Variants in NUBPL observed in about 807,000 individuals in gnomAD.
NUBPL encodes iron-sulfur cluster transfer protein NUBPL.
NUBPL carries 31 observed loss-of-function variants against 45.7 expected under a neutral mutation model. The ratio of observed to expected loss-of-function variants is 0.68; its 90% confidence interval spans 0.51 to 0.92. The LOEUF is 0.92. NUBPL is among the 40% of genes least tolerant of loss of function. NUBPL has a pLI of 0.00. For missense variants in NUBPL, 401 were observed against 398.7 expected (o/e 1.01, Z -0.05); for synonymous variants, 144 against 140.9 (o/e 1.02, Z -0.15).
At chr14:31,601,249 T>C (rs977849748) in intron 4 of NUBPL, among the ~76,000 whole-genome samples, 17 of 152,182 alleles carry the variant, frequency 1.1e-4, no homozygotes, top group African/African-American at 4.1e-4. Context: ...TCTTTTTTGG[T>C]TCCATATGAA....
At chr14:31,722,146 G>A (rs967661180) in intron 6 of NUBPL, among the ~76,000 whole-genome samples, 4 of 152,152 alleles carry the variant, frequency 2.6e-5, no homozygotes, top group Admixed American at 2.0e-4. Context: ...ACAGGTGCCT[G>A]CCACCATGCC....
intron 8 of NUBPL, among the ~76,000 whole-genome samples, chr14:31,836,921 G>A (rs1413524921): frequency 1.3e-5 from 2 of 152,160 alleles, no homozygotes; most frequent in Non-Finnish European, 2.9e-5. Context: ...TGTTGTATGA[G>A]CTCTGCACAG....
At chr14:31,724,397 A>G (rs1192504200) in intron 6 of NUBPL, among the ~76,000 whole-genome samples, 1 of 152,184 alleles carries the variant, frequency 6.6e-6, no homozygotes, top group African/African-American at 2.4e-5. Context: ...TTTTGAAGGC[A>G]TTTTATTGAT....
intron 6 of NUBPL, among the ~76,000 whole-genome samples, chr14:31,756,427 G>T (rs1284199497): frequency 6.6e-6 from 1 of 152,088 alleles, no homozygotes; most frequent in African/African-American, 2.4e-5. Flanking sequence ...TCCCTTGTAA[G>T]TTGGATTCCT....
chr14:31,734,755 A>ATG lies in NUBPL; in HGVS notation c.514-53024_514-53023insGT, dbSNP rs1555332916. Among the ~76,000 whole-genome samples the ATG allele has an allele frequency of 6.7e-3, 1,009 of 151,662 alleles. 10 individuals are homozygous for ATG. Among genetic ancestry groups the ATG allele is most frequent in the African/African-American group, 0.022 (927 of 41,306 alleles). Reference sequence around the variant, plus strand: ...TAGTATTTATAATCAAAGACATGAAATAGTAGCAAGAATACTATATACCTC... The same window carrying ATG: ...TAGTATTTATAATCAAAGACATGAAATGTAGTAGCAAGAATACTATATACCTC... On this transcript the variant is annotated intron_variant, in intron 6 of 10. Transcript: ENST00000281081.
chr14:31,564,081 C>T (rs921937017), intron 2 of NUBPL, among the ~76,000 whole-genome samples: 3 of 152,118 alleles, frequency 2.0e-5, no homozygotes, highest in Admixed American at 1.3e-4. Context: ...AAGAAAATAA[C>T]CCTGACATAG....
chr14:31,578,742 TA>T (rs1217315489), intron 3 of NUBPL, among the ~76,000 whole-genome samples: 1 of 152,208 alleles, frequency 6.6e-6, no homozygotes, highest in African/African-American at 2.4e-5. Flanking sequence ...CAAAAGGACA[TA>T]AGTCTCCTTT....
Position 31,673,374 on chromosome 14 carries a change from C to A in NUBPL, c.402C>A (p.Leu134=). Reference sequence around the variant, plus strand: ...TTCCAGGCAACCTAATGAGGCCTCTCTTGAATTATGGTATTGCTTGGTGAG... The same window carrying A: ...TTCCAGGCAACCTAATGAGGCCTCTATTGAATTATGGTATTGCTTGGTGAG... ...ELSQSNLMRP[L]LNYGIACMSM... Residue 134 remains leucine (L), a synonymous_variant, in exon 5 of 11, where the codon CTC becomes CTA. Transcript: ENST00000281081. 6.2e-7 allele frequency: 1 copy of A among 1,605,096 alleles called. No homozygotes were observed. The highest frequency in any genetic ancestry group is 1.1e-5 in the South Asian group (1 of 90,340).
chr14:31,655,665 A>G (rs1235545028), intron 4 of NUBPL, among the ~76,000 whole-genome samples: 1 of 152,180 alleles, frequency 6.6e-6, no homozygotes, highest in African/African-American at 2.4e-5. Flanking sequence ...GTGAGCCGAG[A>G]TGGTACCACT....
chr14:31,676,376 C>G (rs1038995814), intron 6 of NUBPL, among the ~76,000 whole-genome samples: 2 of 151,974 alleles, frequency 1.3e-5, no homozygotes, highest in African/African-American at 4.8e-5. Flanking sequence ...TTTTGAAATT[C>G]ATGTTTATTG....
At chr14:31,804,204 A>C (rs1354470072) in intron 7 of NUBPL, among the ~76,000 whole-genome samples, 1 of 152,206 alleles carries the variant, frequency 6.6e-6, no homozygotes, top group Admixed American at 6.5e-5. Flanking sequence ...CAAATTAGTG[A>C]AAATTCATAC....
intron 6 of NUBPL, among the ~76,000 whole-genome samples, chr14:31,706,382 G>A (rs2037452864): frequency 6.6e-6 from 1 of 152,190 alleles, no homozygotes; most frequent in African/African-American, 2.4e-5. Context: ...AGTTGAGCTT[G>A]ATGGCCTCAA....
intron 7 of NUBPL, among the ~76,000 whole-genome samples, chr14:31,825,860 ATT>A (rs531767742): frequency 1.1e-5 from 1 of 94,932 alleles, no homozygotes. Flanking sequence ...TTTTTCTTCC[ATT>A]TTTTTTTTTG....
At position 31,727,635 on chromosome 14, in the gene NUBPL, T is replaced by C. The variant is rs548202690; in HGVS notation, c.513+54061T>C. Among the ~76,000 whole-genome samples, 6 of 152,356 alleles carry C rather than the reference T, an allele frequency of 3.9e-5. No individual in the cohort carries two copies. In the South Asian group the frequency reaches 1.2e-3, roughly 32 times the overall value. ...ATGGATATGGTTTCATAAGCAGTTA[T>C]GGTATATGCTAGGCACATTAGAAAT... On this transcript the variant is annotated intron_variant, in intron 6 of 10. Coordinates refer to ENST00000281081, the MANE Select transcript of NUBPL (RefSeq NM_025152.3).
At chr14:31,798,639 A>G (rs976432841) in intron 7 of NUBPL, among the ~76,000 whole-genome samples, 2 of 151,612 alleles carry the variant, frequency 1.3e-5, no homozygotes, top group African/African-American at 4.8e-5. Context: ...AAAAAAACAA[A>G]AAATTAGCCG....
intron 4 of NUBPL, among the ~76,000 whole-genome samples, chr14:31,614,836 A>T (rs181216669): frequency 2.2e-4 from 33 of 152,350 alleles, no homozygotes; most frequent in Admixed American, 2.2e-3. Flanking sequence ...ACATGCTGTA[A>T]TAGAAATATA....
At chr14:31,736,412 A>G (rs1290303768) in intron 6 of NUBPL, among the ~76,000 whole-genome samples, 1 of 152,174 alleles carries the variant, frequency 6.6e-6, no homozygotes, top group Non-Finnish European at 1.5e-5. Flanking sequence ...AGTGGTAACC[A>G]GTATATGACT....
chr14:31,803,060 A>G (rs148809851), intron 7 of NUBPL, among the ~76,000 whole-genome samples: 104 of 152,290 alleles, frequency 6.8e-4, no homozygotes, highest in African/African-American at 2.4e-3. Context: ...TTAATCAGTT[A>G]TCTCTTTTAT....
chr14:31,675,399 T>C (rs1271007796), intron 6 of NUBPL, among the ~76,000 whole-genome samples: 1 of 152,216 alleles, frequency 6.6e-6, no homozygotes, highest in African/African-American at 2.4e-5. Context: ...AGGAGTGTTT[T>C]CACTTTTGTT....
Sources: allele counts gnomAD v4.1 joint callset (sites outside exome capture counted in the v4.1 genomes callset), GRCh38; gene constraint gnomAD v4.1.1; transcripts MANE v1.5; gene names NCBI Gene and HGNC (gene_info 2026-07-23, HGNC 2026-07-21).